Variants in KIF21A observed in about 807,000 individuals in gnomAD.
KIF21A encodes the protein kinesin family member 21A.
KIF21A carries 114 observed loss-of-function variants against 202.9 expected under a neutral mutation model. The observed-to-expected ratio is 0.56, with a 90% confidence interval of 0.48 to 0.66. The LOEUF (loss-of-function observed/expected upper bound fraction) is 0.66. Among genes scored for constraint, KIF21A ranks in the 30% least tolerant of loss-of-function variants. The pLI is 0.00. For synonymous variants in KIF21A, 667 were observed against 670.8 expected, an observed-to-expected ratio of 0.99 and a Z score of 0.09; for missense variants, 1,677 against 1,994.9, an observed-to-expected ratio of 0.84 and a Z score of 3.04.
rs200473084 is a variant in KIF21A, at chr12:39,401,886, C to G, written c.45-31625G>C. 2.0e-5 allele frequency among the ~76,000 whole-genome samples: 3 copies of G among 152,196 alleles called. No individual in the cohort carries two copies. In the East Asian group the frequency reaches 5.8e-4, roughly 29 times the overall value. On this transcript the variant is annotated intron_variant, in intron 1 of 37. Coordinates refer to ENST00000361418, the MANE Select transcript of KIF21A (RefSeq NM_001173464.2). Reference sequence around the variant, plus strand: ...TAGAAATACATGAAAACCACAGCTTCTCCAAAACTTCATTTGAACCATTGA... The same window carrying G: ...TAGAAATACATGAAAACCACAGCTTGTCCAAAACTTCATTTGAACCATTGA...
intron 32 of KIF21A, among the ~76,000 whole-genome samples, chr12:39,310,909 A>G (rs898261193): frequency 8.6e-5 from 13 of 152,028 alleles, no homozygotes; most frequent in African/African-American, 2.4e-4. Context: ...TACTAGCTAA[A>G]TTTACCTGAG....
intron 22 of KIF21A, 70 bp from the exon 23 acceptor site, chr12:39,330,981 C>A: frequency 6.7e-7 from 1 of 1,498,034 alleles, no homozygotes; most frequent in Non-Finnish European, 9.3e-7. Context: ...CTGTATCAAA[C>A]AGCAAATGAA....
chr12:39,410,697 C>T (rs767155389), intron 1 of KIF21A, among the ~76,000 whole-genome samples: 1 of 152,124 alleles, frequency 6.6e-6, no homozygotes, highest in African/African-American at 2.4e-5. Context: ...GCAAGTCTTA[C>T]AAATTCAGAA....
chr12:39,413,614 A>G (rs1334789331), intron 1 of KIF21A, among the ~76,000 whole-genome samples: 7 of 152,198 alleles, frequency 4.6e-5, no homozygotes, highest in Non-Finnish European at 8.8e-5. Flanking sequence ...AAAATGATAC[A>G]CATATCATAG....
intron 24 of KIF21A, among the ~76,000 whole-genome samples, chr12:39,328,053 A>C (rs950257401): frequency 2.0e-5 from 3 of 152,176 alleles, no homozygotes; most frequent in Non-Finnish European, 4.4e-5. Flanking sequence ...TAAAAATTTA[A>C]CATTGCAGCC....
chr12:39,307,178 T>TA (rs1349054254), intron 34 of KIF21A, among the ~76,000 whole-genome samples: 2 of 152,122 alleles, frequency 1.3e-5, no homozygotes, highest in Non-Finnish European at 2.9e-5. Context: ...TTTTATAAAT[T>TA]AAAAAATTTA....
At chr12:39,408,171 G>C (rs1055513695) in intron 1 of KIF21A, among the ~76,000 whole-genome samples, 1 of 152,072 alleles carries the variant, frequency 6.6e-6, no homozygotes, top group Non-Finnish European at 1.5e-5. Flanking sequence ...GTGGAAGACA[G>C]TTTTTCCAGG....
chr12:39,324,277 T>A (rs1945615881), intron 26 of KIF21A, among the ~76,000 whole-genome samples: 1 of 152,196 alleles, frequency 6.6e-6, no homozygotes, highest in Non-Finnish European at 1.5e-5. Context: ...GAAATTTTTC[T>A]TGGGAATTCT....
chr12:39,366,260 A>T, intron 6 of KIF21A, 90 bp downstream of exon 6: 1 of 1,179,144 alleles, frequency 8.5e-7, no homozygotes, highest in African/African-American at 1.5e-5. Flanking sequence ...CAGTATCTGA[A>T]GGATTTCCAT....
At chr12:39,332,028 T>C in intron 21 of KIF21A, 186 bp downstream of exon 21, 1 of 673,534 alleles carries the variant, frequency 1.5e-6, no homozygotes, top group Non-Finnish European at 2.6e-6. Flanking sequence ...AAACAACAAA[T>C]GTTATCACAC....
At chr12:39,379,239 A>T (rs1337772577) in intron 1 of KIF21A, among the ~76,000 whole-genome samples, 1 of 151,906 alleles carries the variant, frequency 6.6e-6, no homozygotes, top group African/African-American at 2.4e-5. Context: ...ATCGCTTGAG[A>T]ATTGCTTGAA....
At chr12:39,416,811 G>GTGTATATATATGTACATATATA (rs1953769109) in intron 1 of KIF21A, among the ~76,000 whole-genome samples, 2 of 106,306 alleles carry the variant, frequency 1.9e-5, no homozygotes, top group African/African-American at 4.8e-5. Context: ...ACATATATAT[G>GTGTATATATATGTACATATATA]TGTGTATATA....
chr12:39,335,281 G>A (rs940426746), intron 17 of KIF21A, among the ~76,000 whole-genome samples: 2 of 151,826 alleles, frequency 1.3e-5, no homozygotes, highest in African/African-American at 4.8e-5. Context: ...GTGTGGTGGT[G>A]CATGCCTGTA....
chr12:39,300,310 C>T (rs529909281), intron 37 of KIF21A, among the ~76,000 whole-genome samples: 25 of 152,034 alleles, frequency 1.6e-4, no homozygotes, highest in African/African-American at 5.3e-4. Context: ...TAAGCAAAAG[C>T]GGTGACTTTT....
At chr12:39,408,447 TAGCA>T (rs1952788715) in intron 1 of KIF21A, among the ~76,000 whole-genome samples, 1 of 152,078 alleles carries the variant, frequency 6.6e-6, no homozygotes, top group Non-Finnish European at 1.5e-5. Flanking sequence ...TAACAGTTCC[TAGCA>T]GGCCACAGAC....
chr12:39,399,771 A>G (rs1455756269), intron 1 of KIF21A, among the ~76,000 whole-genome samples: 1 of 152,080 alleles, frequency 6.6e-6, no homozygotes, highest in East Asian at 1.9e-4. Flanking sequence ...TGGGCCTCTC[A>G]CTCACCTCAA....
chr12:39,377,489 A>G (rs560875387), intron 1 of KIF21A, among the ~76,000 whole-genome samples: 1 of 151,854 alleles, frequency 6.6e-6, no homozygotes, highest in Non-Finnish European at 1.5e-5. Context: ...CCCTACTTTA[A>G]CTCTCCACCT....
At chr12:39,313,812 C>T (rs1944258275) in intron 31 of KIF21A, among the ~76,000 whole-genome samples, 2 of 151,666 alleles carry the variant, frequency 1.3e-5, no homozygotes, top group African/African-American at 4.8e-5. Context: ...TCTATGTAGG[C>T]CATATATGGA....
intron 36 of KIF21A, among the ~76,000 whole-genome samples, chr12:39,302,103 G>T (rs1275425805): frequency 6.6e-6 from 1 of 152,040 alleles, no homozygotes; most frequent in African/African-American, 2.4e-5. Flanking sequence ...AGAATATAGA[G>T]GCCTGAAGAT....
Sources: gnomAD v4.1 joint callset for allele counts (sites outside exome capture counted in the v4.1 genomes callset) on GRCh38, gnomAD v4.1.1 for gene constraint, MANE v1.5 for transcripts, NCBI Gene and HGNC (gene_info 2026-07-23, HGNC 2026-07-21) for gene names.